The following BBX variants were observed in gnomAD, a reference collection of about 807,000 sequenced individuals.
BBX encodes the protein HMG box transcription factor BBX.
A neutral mutation model predicts 100.2 loss-of-function variants in BBX; 30 were observed. The observed-to-expected ratio is 0.30, with a 90% CI of 0.22 to 0.41. The LOEUF (loss-of-function observed/expected upper bound fraction) is 0.41, where lower values mean the gene tolerates loss of function less well. Ranked by LOEUF, BBX falls within the 10% of genes least tolerant of loss-of-function variation. The probability of loss-of-function intolerance (pLI) is 1.00; values close to 1 mark genes in which losing one functional copy is unlikely to be tolerated. For missense variants in BBX, 1,023 were observed against 1,129.8 expected (o/e 0.91, Z 1.35); for synonymous variants, 376 against 388.1 (o/e 0.97, Z 0.37).
At chr3:107,655,708 T>TA (rs919973566) in intron 3 of BBX, among the ~76,000 whole-genome samples, 5 of 150,706 alleles carry the variant, frequency 3.3e-5, no homozygotes, top group South Asian at 2.1e-4. Flanking sequence ...TATTTTATTT[T>TA]TTTTTTTTTT....
At chr3:107,570,942 G>A (rs980565464) in intron 2 of BBX, among the ~76,000 whole-genome samples, 3 of 151,994 alleles carry the variant, frequency 2.0e-5, no homozygotes, top group Non-Finnish European at 4.4e-5. Context: ...CCATTTTTTC[G>A]ACAAAAATCA....
intron 3 of BBX, among the ~76,000 whole-genome samples, chr3:107,674,259 A>T (rs2059170780): frequency 6.6e-6 from 1 of 152,146 alleles, no homozygotes; most frequent in Non-Finnish European, 1.5e-5. Context: ...TGATTCTTTT[A>T]GTAAGTACCG....
chr3:107,781,731 A>G (rs1452923510), intron 13 of BBX, among the ~76,000 whole-genome samples: 1 of 152,142 alleles, frequency 6.6e-6, no homozygotes, highest in African/African-American at 2.4e-5. Flanking sequence ...ATCTTGACTT[A>G]TTAGACTCAC....
At position 107,747,969 on chromosome 3, in the gene BBX, C is replaced by T. The variant is rs2107629744; in HGVS notation, c.755C>T (p.Ser252Phe). The change falls in exon 9 of 18, where the codon TCT (serine) becomes TTT (phenylalanine). Residue 252 changes from serine to phenylalanine, a missense_variant. Coordinates refer to ENST00000325805, the MANE Select transcript of BBX (RefSeq NM_001142568.3). ...AAATTGCTTGTTTCCTTTCAGATAT[C>T]TTCAAGTACGTCCCACTCTGATGCT... is the stretch of plus-strand genomic sequence containing the variant. ...KSPLFQFAEI[S>F]SSTSHSDAST... The T allele has an allele frequency of 6.2e-7, 1 of 1,610,914 alleles. No individual in the cohort carries two copies. The highest frequency in any genetic ancestry group is 1.3e-5 in the African/African-American group (1 of 74,882).
At chr3:107,688,042 A>G (rs185832096) in intron 3 of BBX, among the ~76,000 whole-genome samples, 1 of 152,260 alleles carries the variant, frequency 6.6e-6, no homozygotes, top group Admixed American at 6.5e-5. Flanking sequence ...GTGATGAGCG[A>G]AACTCCATCT....
intron 2 of BBX, among the ~76,000 whole-genome samples, chr3:107,597,834 A>G (rs1483208862): frequency 6.6e-6 from 1 of 151,912 alleles, no homozygotes; most frequent in Non-Finnish European, 1.5e-5. Flanking sequence ...TGTCCTGCCC[A>G]GAGGTTTTGT....
intron 3 of BBX, among the ~76,000 whole-genome samples, chr3:107,656,404 T>G (rs2058146119): frequency 6.6e-6 from 1 of 152,194 alleles, no homozygotes; most frequent in Admixed American, 6.5e-5. Context: ...AAAAGCTGCT[T>G]CTTATTTAGT....
rs1491453234 is a variant in BBX, at chr3:107,806,130, A to AAG, written c.*683_*684dup. On this transcript the variant is annotated 3_prime_UTR_variant, in exon 18 of 18. Coordinates refer to ENST00000325805, the MANE Select transcript of BBX (RefSeq NM_001142568.3). ...AGTTTGCTGGCAAAAAAAAAAAAAA[A>AAG]AGAGAGAGAGAAAAAATTACAACTC... 1.2e-5 allele frequency: 1 copy of AAG among 85,150 alleles called. No individual in the cohort carries two copies. The highest frequency in any genetic ancestry group is 3.7e-5 in the African/African-American group (1 of 26,928). 5.3% of individuals were successfully genotyped at this position (85,150 alleles called of 1,614,324 possible).
At chr3:107,695,529 A>G (rs4373061) in intron 3 of BBX, among the ~76,000 whole-genome samples, 86,127 of 138,216 alleles carry the variant, frequency 0.62, 28,856 homozygotes, top group East Asian at 0.96. Flanking sequence ...TTAATCCTGA[A>G]TTCTAGTTTG....
intron 3 of BBX, among the ~76,000 whole-genome samples, chr3:107,700,411 CATCATTATTATTATTATTATTATT>C (rs2060948752): frequency 1.5e-5 from 2 of 133,916 alleles, no homozygotes; most frequent in Non-Finnish European, 3.1e-5. Flanking sequence ...TTTCTTTCAT[CATCATTATTATTATTATTATTATT>C]ATTATTATTA....
chr3:107,704,844 A>G (rs1346432990), intron 3 of BBX, among the ~76,000 whole-genome samples: 1 of 152,208 alleles, frequency 6.6e-6, no homozygotes, highest in Non-Finnish European at 1.5e-5. Context: ...AATCAAGTAC[A>G]ATCAAAGCTC....
rs3833481 is a variant in BBX at position 107,523,218 on chromosome 3, A to AGCGGCGGCG, written c.-156+132_-156+140dup. The AGCGGCGGCG allele has an allele frequency of 9.5e-4, 208 of 218,060 alleles. 28 individuals carry two copies. The East Asian group carries it at 0.012, about 12-fold the overall frequency. 13.5% of individuals were successfully genotyped at this position (218,060 alleles called of 1,614,324 possible). ...GCCCCAAGGACTCCGCGGCAGGAGC[A>AGCGGCGGCG]GCGGCGGCGGCGGCGGCGGCGGCGG... is the stretch of plus-strand genomic sequence containing the variant. On this transcript the variant is annotated intron_variant, in intron 1 of 17. Transcript: ENST00000325805.
intron 2 of BBX, among the ~76,000 whole-genome samples, chr3:107,610,970 T>C (rs746124304): frequency 4.6e-5 from 7 of 152,120 alleles, no homozygotes; most frequent in African/African-American, 1.4e-4. Context: ...GAAGGTGATT[T>C]TCACTGGTGG....
intron 2 of BBX, among the ~76,000 whole-genome samples, chr3:107,599,992 A>G (rs1057386434): frequency 1.3e-4 from 20 of 152,240 alleles, no homozygotes; most frequent in African/African-American, 4.8e-4. Flanking sequence ...AGATGGCAAA[A>G]GTAAAAGGAA....
intron 10 of BBX, among the ~76,000 whole-genome samples, chr3:107,768,561 G>A (rs1323449807): frequency 6.6e-6 from 1 of 151,892 alleles, no homozygotes; most frequent in Non-Finnish European, 1.5e-5. Context: ...ATACACAGAT[G>A]GAAGATAATT....
In BBX at chr3:107,552,505, A is replaced by C. The variant is rs1021363144; in HGVS notation, c.-84+26107A>C. On this transcript the variant is annotated intron_variant, in intron 2 of 17. Coordinates refer to ENST00000325805, the MANE Select transcript of BBX (RefSeq NM_001142568.3). ...CCTAGGCATGGTATTAAGGCCTGGG[A>C]ATATGAAGTAAATAAAAATAGGTAC... Among the ~76,000 whole-genome samples the C allele has an allele frequency of 2.0e-5, 3 of 152,172 alleles. No homozygotes were observed. The East Asian group carries it at 5.8e-4, about 29-fold the overall frequency.
intron 3 of BBX, among the ~76,000 whole-genome samples, chr3:107,702,916 G>A (rs2061168934): frequency 1.3e-5 from 2 of 152,146 alleles, no homozygotes; most frequent in South Asian, 4.1e-4. Context: ...GGCGGGTGTG[G>A]AGAGCAGGTC....
chr3:107,758,558 T>C (rs956766141), intron 10 of BBX, among the ~76,000 whole-genome samples: 6 of 151,848 alleles, frequency 4.0e-5, no homozygotes, highest in Admixed American at 2.6e-4. Context: ...CAAGCAGGAG[T>C]GATACTCAAC....
chr3:107,763,871 T>A (rs750523861), intron 10 of BBX, among the ~76,000 whole-genome samples: 16 of 152,154 alleles, frequency 1.1e-4, no homozygotes, highest in Non-Finnish European at 1.6e-4. Context: ...TTGACAGAGG[T>A]AATATTAAAA....
Sources: allele counts gnomAD v4.1 joint callset (sites outside exome capture counted in the v4.1 genomes callset), GRCh38; gene constraint gnomAD v4.1.1; transcripts MANE v1.5; gene names NCBI Gene and HGNC (gene_info 2026-07-23, HGNC 2026-07-21).